Variants in CD101 observed in about 807,000 individuals in gnomAD.
CD101 encodes the protein immunoglobulin superfamily member 2.
In CD101, 76 loss-of-function variants were observed where a neutral mutation model predicts 98.2. That is an observed-to-expected ratio of 0.77 (90% CI 0.64 to 0.94). The LOEUF (loss-of-function observed/expected upper bound fraction) is 0.94, where lower values mean the gene tolerates loss of function less well. Ranked by LOEUF, CD101 falls within the 40% of genes least tolerant of loss-of-function variation. CD101 has a pLI of 0.00. For synonymous variants in CD101, 471 were observed against 472.7 expected, an observed-to-expected ratio of 1.00 and a Z score of 0.05; for missense variants, 1,145 against 1,218.8, an observed-to-expected ratio of 0.94 and a Z score of 0.90.
At chr1:117,014,986 A>G (rs981131654) in intron 4 of CD101, among the ~76,000 whole-genome samples, 4 of 152,216 alleles carry the variant, frequency 2.6e-5, no homozygotes, top group Non-Finnish European at 4.4e-5. Flanking sequence ...TCTCTGGAAC[A>G]TATCTGCAGG....
In CD101 at chr1:117,024,425, C is replaced by T. The variant is rs1441743233; in HGVS notation, c.2429-1084C>T. ...CCGGGAGGCAGAGGTTGCGGTGAGC[C>T]AAGATTGTGCCACTGCACTCTAGCC... On this transcript the variant is annotated intron_variant, in intron 7 of 9. Coordinates refer to ENST00000682167, the MANE Select transcript of CD101 (RefSeq NM_001256106.3). Among the ~76,000 whole-genome samples, 12 of 152,118 alleles carry T rather than the reference C, an allele frequency of 7.9e-5. No homozygotes were observed. The South Asian group carries it at 2.3e-3, about 29-fold the overall frequency.
Position 117,011,929 on chromosome 1 carries a change from G to A in CD101, c.804G>A (p.Lys268=). The change falls in exon 3 of 10, where the codon AAG becomes AAA. Residue 268 remains lysine, a synonymous_variant. Coordinates refer to ENST00000682167, the MANE Select transcript of CD101 (RefSeq NM_001256106.3). ...PDETWMFITK[K]QTDQTTLRIQ... is the part of the protein sequence containing the mutation. Reference sequence around the variant, plus strand: ...AAACTTGGATGTTCATCACCAAAAAGCAGACCGATCAAACCACTCTGAGGA... The same window carrying A: ...AAACTTGGATGTTCATCACCAAAAAACAGACCGATCAAACCACTCTGAGGA... The A allele has an allele frequency of 6.2e-7, 1 of 1,614,048 alleles. No individual in the cohort carries two copies. Among genetic ancestry groups the A allele is most frequent in the Non-Finnish European group, 8.5e-7 (1 of 1,179,954 alleles).
In CD101 at chr1:117,011,870, T is replaced by C. The variant is rs199706531; in HGVS notation, c.745T>C (p.Cys249Arg). 1.2e-6 allele frequency: 2 copies of C among 1,614,162 alleles called. No individual in the cohort carries two copies. Among genetic ancestry groups the C allele is most frequent in the Middle Eastern group, 1.6e-4 (1 of 6,062 alleles). Residue 249 changes from cysteine (C) to arginine (R), a missense_variant, in exon 3 of 10, where the codon TGT becomes CGT. Cys to Arg is a radical substitution (Grantham distance 180). Transcript: ENST00000682167. Reference sequence around the variant, plus strand: ...GTCCTCAGATCAGGGTCAGCTGTTCTGTGAGGCAACGGAATGGATTCAGGA... The same window carrying C: ...GTCCTCAGATCAGGGTCAGCTGTTCCGTGAGGCAACGGAATGGATTCAGGA... ...LQSSDQGQLF[C>R]EATEWIQDPD...
Position 117,018,561 on chromosome 1 carries a change from G to A in CD101, c.2017+1G>A. ...CTGAGGATAGCCGTCACTTTACCAG[G>A]TAAGTGTGACTTGAAATTAATCCCT... On this transcript the variant is annotated splice_donor_variant, in intron 6 of 9. Coordinates refer to ENST00000682167, the MANE Select transcript of CD101 (RefSeq NM_001256106.3). LOFTEE classifies it high-confidence loss of function. The surrounding 1 kb of genome is among the most constrained non-coding windows in gnomAD (Gnocchi z 4.3). The A allele has an allele frequency of 6.4e-7, 1 of 1,566,458 alleles. No individual in the cohort carries two copies.
rs1029986050 is a variant in CD101 at position 117,023,575 on chromosome 1, C to A, written c.2428+1592C>A. ...GGGACTACAGGTGTGTGCCACCATGCCTGGCTAATTTTTGTAATTTTAGTA... is the reference window on the plus strand; with the variant it reads ...GGGACTACAGGTGTGTGCCACCATGACTGGCTAATTTTTGTAATTTTAGTA... On this transcript the variant is annotated intron_variant, in intron 7 of 9. Transcript: ENST00000682167. The surrounding 1 kb of genome is among the most constrained non-coding windows in gnomAD (Gnocchi z 4.4). 6.6e-6 allele frequency among the ~76,000 whole-genome samples: 1 copy of A among 152,012 alleles called. No homozygotes were observed. The highest frequency in any genetic ancestry group is 2.1e-4 in the South Asian group (1 of 4,812).
At chr1:117,029,221 G>GAAAGAAAGA (rs1457831657) in intron 8 of CD101, among the ~76,000 whole-genome samples, 3 of 40,870 alleles carry the variant, frequency 7.3e-5, no homozygotes, top group African/African-American at 4.1e-4. Flanking sequence ...AGAAAAGAAA[G>GAAAGAAAGA]AAAGAAAGAA....
intron 1 of CD101, among the ~76,000 whole-genome samples, chr1:117,007,639 C>T (rs1163938798): frequency 7.9e-5 from 12 of 152,202 alleles, no homozygotes; most frequent in Non-Finnish European, 1.6e-4. Context: ...TGAGCCACCT[C>T]GCCTGGTCAT....
At position 117,013,649 on chromosome 1, in the gene CD101, T is replaced by G. The variant is rs34814219; in HGVS notation, c.1085T>G (p.Leu362Arg). ...VSKLGPKAFS[L>R]KIFSLGPEDE... ...AAGTTAGGCCCCAAGGCTTTCTCTC[T>G]CAAGATCTTCTCTCTGGGCCCAGAG... Residue 362 changes from leucine to arginine, a missense_variant, in exon 4 of 10, where the codon CTC becomes CGC. By Grantham distance (102) the Leu-to-Arg change is moderately radical (BLOSUM62 -2). Coordinates refer to ENST00000682167, the MANE Select transcript of CD101 (RefSeq NM_001256106.3). The G allele has an allele frequency of 3.7e-6, 6 of 1,614,014 alleles. No individual in the cohort carries two copies. In the African/African-American group the frequency reaches 8.0e-5, roughly 22 times the overall value.
chr1:117,035,636 G>A (rs1022987716), intron 9 of CD101, among the ~76,000 whole-genome samples: 7 of 149,690 alleles, frequency 4.7e-5, no homozygotes, highest in African/African-American at 9.9e-5. Flanking sequence ...TGCAAGCTCC[G>A]CCTCCCGGGT....
At chr1:117,025,455 G>C in intron 7 of CD101, 54 bp from the exon 8 acceptor site, 1 of 1,446,860 alleles carries the variant, frequency 6.9e-7, no homozygotes, top group South Asian at 1.4e-5. Context: ...TTCAGAGGTG[G>C]TATCCAAATC....
At chr1:117,016,019 T>G (rs1653185508) in intron 4 of CD101, among the ~76,000 whole-genome samples, 1 of 152,074 alleles carries the variant, frequency 6.6e-6, no homozygotes, top group Non-Finnish European at 1.5e-5. Flanking sequence ...ATAAATGCGT[T>G]TGTTGAATGA....
Position 117,001,870 on chromosome 1 carries a change from A to T in CD101, c.43+10A>T. 6.2e-7 allele frequency: 1 copy of T among 1,613,706 alleles called. No homozygotes were observed. Among genetic ancestry groups the T allele is most frequent in the Non-Finnish European group, 8.5e-7 (1 of 1,179,606 alleles). On this transcript the variant is annotated intron_variant, in intron 1 of 9. Coordinates refer to ENST00000682167, the MANE Select transcript of CD101 (RefSeq NM_001256106.3). ...TTCTTTCTCCTTCTGAGTAAGTTTC[A>T]TAATCCTTTATGTTTCTCTTGTCAC...
At chr1:117,028,086 A>AAAATAAAT (rs993753842) in intron 8 of CD101, among the ~76,000 whole-genome samples, 2 of 148,910 alleles carry the variant, frequency 1.3e-5, no homozygotes, top group African/African-American at 2.5e-5. Flanking sequence ...ACTCTGTCTC[A>AAAATAAAT]AAATAAATAA....
In CD101 at chr1:117,011,674, C is replaced by G. The variant is rs765285518; in HGVS notation, c.549C>G (p.Thr183=). 6.2e-7 allele frequency: 1 copy of G among 1,614,200 alleles called. No individual in the cohort carries two copies. Among genetic ancestry groups the G allele is most frequent in the Non-Finnish European group, 8.5e-7 (1 of 1,180,038 alleles). ...ATAQHTHLSV[T]WYLTQDGGGS... is the part of the protein sequence containing the mutation. ...CCCAACATACTCACCTCTCTGTCAC[C>G]TGGTACCTAACACAGGATGGAGGAG... is the stretch of plus-strand genomic sequence containing the variant. The change falls in exon 3 of 10, where the codon ACC becomes ACG. Residue 183 remains threonine, a synonymous_variant. Coordinates refer to ENST00000682167, the MANE Select transcript of CD101 (RefSeq NM_001256106.3).
chr1:117,006,680 A>G lies in CD101; in HGVS notation c.44-3170A>G, dbSNP rs957687342. Among the ~76,000 whole-genome samples, 1 of 151,212 alleles carries G rather than the reference A, an allele frequency of 6.6e-6. No individual in the cohort carries two copies. The highest frequency in any genetic ancestry group is 2.4e-5 in the African/African-American group (1 of 41,096). On this transcript the variant is annotated intron_variant, in intron 1 of 9. Transcript: ENST00000682167. The surrounding 1 kb of genome is among the most constrained non-coding windows in gnomAD (Gnocchi z 4.4). ...TTCTCCAAAATCCATTTCTAATGCCATCTCTTATGCCATCTCCATAAACCT... is the reference window on the plus strand; with the variant it reads ...TTCTCCAAAATCCATTTCTAATGCCGTCTCTTATGCCATCTCCATAAACCT...
intron 8 of CD101, among the ~76,000 whole-genome samples, chr1:117,029,888 A>G (rs1654334319): frequency 6.6e-6 from 1 of 152,206 alleles, no homozygotes; most frequent in Admixed American, 6.5e-5. Flanking sequence ...TTTCTTCTCT[A>G]TCTTATTTCC....
rs1407694022 is a variant in CD101, at chr1:117,019,047, A to G, written c.2017+487A>G. Among the ~76,000 whole-genome samples, 18 of 152,240 alleles carry G rather than the reference A, an allele frequency of 1.2e-4. No homozygotes were observed. The highest frequency in any genetic ancestry group is 2.9e-5 in the Non-Finnish European group (2 of 68,048). On this transcript the variant is annotated intron_variant, in intron 6 of 9. Transcript: ENST00000682167. The surrounding 1 kb of genome is among the most constrained non-coding windows in gnomAD (Gnocchi z 4.3). ...TATAAGAGTCAGAGAATTTATTATT[A>G]CAATCAAATATAATCCATCTCATCA...
intron 1 of CD101, 47 bp downstream of exon 1, chr1:117,001,907 A>G: frequency 6.3e-7 from 1 of 1,580,336 alleles, no homozygotes; most frequent in East Asian, 2.2e-5. Context: ...GGAGTTCATC[A>G]ACTCAGGGTG....
rs1157860073 is a variant in CD101, at chr1:117,034,196, T to C, written c.*33+62T>C. The C allele has an allele frequency of 5.4e-6, 8 of 1,486,412 alleles. No homozygotes were observed. In the Admixed American group the frequency reaches 1.0e-4, roughly 19 times the overall value. 92.1% of individuals were successfully genotyped at this position (1,486,412 alleles called of 1,614,324 possible). A position where few individuals can be genotyped will look rare whatever the true frequency, so the allele number is the denominator to read the frequency against. On this transcript the variant is annotated intron_variant, in intron 9 of 9. Transcript: ENST00000682167. ...TGAATCCTGGTTCTGTCCTCAACTA[T>C]GTCTGCGGCCTTGGGCAAGTTACCT...
Sources: gnomAD v4.1 joint callset for allele counts (sites outside exome capture counted in the v4.1 genomes callset) on GRCh38, gnomAD v4.1.1 for gene constraint, Gnocchi (gnomAD v3.1) non-coding constraint, MANE v1.5 for transcripts, NCBI Gene and HGNC (gene_info 2026-07-23, HGNC 2026-07-21) for gene names.